The following AGBL4 variants were observed in gnomAD, a reference collection of about 807,000 sequenced individuals.
AGBL4 encodes AGBL carboxypeptidase 4, also known as cytosolic carboxypeptidase 6.
A neutral mutation model predicts 66.4 loss-of-function variants in AGBL4; 58 were observed. The observed-to-expected ratio is 0.87, with a 90% CI of 0.71 to 1.09. The LOEUF (loss-of-function observed/expected upper bound fraction) is 1.09. Ranked by LOEUF, AGBL4 falls within the 50% of genes least tolerant of loss-of-function variation. The pLI, the probability that AGBL4 is intolerant of heterozygous loss-of-function variation, is 0.00. For synonymous variants in AGBL4, 234 were observed against 222.9 expected (o/e 1.05, Z -0.44); for missense variants, 579 against 631.0 (o/e 0.92, Z 0.88).
chr1:48,570,314 T>C (rs1569832351), intron 11 of AGBL4, among the ~76,000 whole-genome samples: 1 of 152,152 alleles, frequency 6.6e-6, no homozygotes, highest in South Asian at 2.1e-4. Flanking sequence ...GCACCACATT[T>C]GGAGAGAGGG....
At chr1:49,665,734 T>C (rs1646352022) in intron 3 of AGBL4, among the ~76,000 whole-genome samples, 1 of 152,084 alleles carries the variant, frequency 6.6e-6, no homozygotes, top group Non-Finnish European at 1.5e-5. Flanking sequence ...TCTCCATACA[T>C]GAACAACTCT....
At chr1:48,654,859 C>A (rs1320037143) in intron 7 of AGBL4, among the ~76,000 whole-genome samples, 2 of 152,212 alleles carry the variant, frequency 1.3e-5, no homozygotes, top group Admixed American at 6.5e-5. Flanking sequence ...AGACCAGATG[C>A]CCTAATTTAT....
intron 6 of AGBL4, among the ~76,000 whole-genome samples, chr1:48,683,421 C>A (rs1265366834): frequency 6.6e-6 from 1 of 152,196 alleles, no homozygotes; most frequent in South Asian, 2.1e-4. Flanking sequence ...TGACAGAGCC[C>A]AGCCTTCTGC....
intron 5 of AGBL4, among the ~76,000 whole-genome samples, chr1:48,993,019 T>G (rs918387726): frequency 6.6e-6 from 1 of 152,008 alleles, no homozygotes; most frequent in Non-Finnish European, 1.5e-5. Context: ...AAAGTCTCCT[T>G]TACTCTTCCC....
intron 9 of AGBL4, among the ~76,000 whole-genome samples, chr1:48,597,823 AAG>A (rs1270617388): frequency 1.3e-5 from 2 of 150,956 alleles, no homozygotes; most frequent in Admixed American, 6.6e-5. Context: ...GAGAGAAAGA[AAG>A]AGAAAGAGAG....
intron 4 of AGBL4, among the ~76,000 whole-genome samples, chr1:49,190,307 C>CG (rs1386397808): frequency 6.6e-6 from 1 of 152,192 alleles, no homozygotes; most frequent in Middle Eastern, 3.2e-3. Context: ...TCCCTTGTCT[C>CG]CTCAGGGCCT....
chr1:48,972,418 T>C (rs1310367725), intron 5 of AGBL4, among the ~76,000 whole-genome samples: 1 of 152,128 alleles, frequency 6.6e-6, no homozygotes, highest in East Asian at 1.9e-4. Flanking sequence ...TTCAGTTGTG[T>C]CTTATTTTTA....
At chr1:48,915,060 T>C (rs1653471949) in intron 5 of AGBL4, among the ~76,000 whole-genome samples, 2 of 152,240 alleles carry the variant, frequency 1.3e-5, no homozygotes, top group Non-Finnish European at 2.9e-5. Context: ...TATCGTGTTA[T>C]TTTTCTGTTT....
intron 4 of AGBL4, among the ~76,000 whole-genome samples, chr1:49,216,211 G>A (rs1649076108): frequency 1.3e-5 from 2 of 152,106 alleles, no homozygotes; most frequent in South Asian, 4.1e-4. Flanking sequence ...TAGACCACTG[G>A]TTGCCAATCT....
intron 3 of AGBL4, among the ~76,000 whole-genome samples, chr1:49,438,985 C>G (rs1479094884): frequency 6.6e-6 from 1 of 152,112 alleles, no homozygotes; most frequent in African/African-American, 2.4e-5. Flanking sequence ...GGTGATGGAG[C>G]TCTCATGGCC....
chr1:49,607,320 T>C (rs1645078130), intron 3 of AGBL4, among the ~76,000 whole-genome samples: 1 of 152,160 alleles, frequency 6.6e-6, no homozygotes, highest in Admixed American at 6.6e-5. Context: ...TCCAAAACTC[T>C]TTAGCCTGAA....
chr1:48,649,290 C>T (rs186928622), intron 8 of AGBL4, among the ~76,000 whole-genome samples: 71 of 152,240 alleles, frequency 4.7e-4, no homozygotes, highest in Non-Finnish European at 1.2e-4. Flanking sequence ...CCTGGGAAAG[C>T]CTTTCTGTGA....
intron 5 of AGBL4, among the ~76,000 whole-genome samples, chr1:48,941,395 C>T (rs1655961287): frequency 6.6e-6 from 1 of 152,154 alleles, no homozygotes; most frequent in Non-Finnish European, 1.5e-5. Context: ...ACTTTCATTT[C>T]AATAGGTCAC....
intron 1 of AGBL4, among the ~76,000 whole-genome samples, chr1:49,881,767 A>T (rs1370781212): frequency 6.6e-6 from 1 of 151,098 alleles, no homozygotes; most frequent in African/African-American, 2.4e-5. Context: ...GTTTGAGTTC[A>T]TTGTAGATTC....
chr1:49,238,672 G>A (rs866184947), intron 4 of AGBL4, among the ~76,000 whole-genome samples: 1 of 152,180 alleles, frequency 6.6e-6, no homozygotes, highest in African/African-American at 2.4e-5. Flanking sequence ...TAGAAATGTG[G>A]ATGCAGTTTA....
At chr1:49,283,750 A>G (rs1344768640) in intron 3 of AGBL4, among the ~76,000 whole-genome samples, 1 of 149,402 alleles carries the variant, frequency 6.7e-6, no homozygotes, top group Non-Finnish European at 1.5e-5. Flanking sequence ...GATGCGATCA[A>G]CTGGAAGAAA....
intron 11 of AGBL4, among the ~76,000 whole-genome samples, chr1:48,571,765 T>A (rs1055370727): frequency 1.3e-5 from 2 of 152,208 alleles, no homozygotes; most frequent in African/African-American, 4.8e-5. Context: ...CAGGATGTCA[T>A]GTGGGCCTCG....
At position 48,736,104 on chromosome 1, in the gene AGBL4, G is replaced by C. The variant is rs1648999096; in HGVS notation, c.635-72863C>G. ...TCTGGGGCATTTGGGTTATCCGCTT[G>C]GTGTCCCCGGGCTCAGCCCAGGGTC... On this transcript the variant is annotated intron_variant, in intron 6 of 13. Coordinates refer to ENST00000371839, the MANE Select transcript of AGBL4 (RefSeq NM_032785.4). This position sits in a 1 kb window ranked among gnomAD's most constrained non-coding sequence, Gnocchi z 4.0. 4 of 938,434 alleles carry C rather than the reference G, an allele frequency of 4.3e-6. No homozygotes were observed. In the South Asian group the frequency reaches 6.4e-5, roughly 15 times the overall value. The allele number at this position is 938,434 out of a possible 1,614,324, so 58.1% of individuals were successfully genotyped here.
At chr1:49,310,307 T>G (rs1230277640) in intron 3 of AGBL4, among the ~76,000 whole-genome samples, 1 of 152,060 alleles carries the variant, frequency 6.6e-6, no homozygotes. Context: ...GACTTATGTT[T>G]TAAAAGAATA....
Sources: gnomAD v4.1 joint callset for allele counts (sites outside exome capture counted in the v4.1 genomes callset) on GRCh38, gnomAD v4.1.1 for gene constraint, Gnocchi (gnomAD v3.1) non-coding constraint, MANE v1.5 for transcripts, NCBI Gene and HGNC (gene_info 2026-07-23, HGNC 2026-07-21) for gene names.